The following EEFSEC variants were observed in gnomAD, a reference collection of about 807,000 sequenced individuals.
EEFSEC encodes the protein eukaryotic elongation factor, selenocysteine-tRNA specific, also known as selenocysteine-specific elongation factor.
EEFSEC carries 43 observed loss-of-function variants against 42.1 expected under a neutral mutation model. That is an observed-to-expected ratio of 1.02 (90% CI 0.80 to 1.32). The LOEUF is 1.32. EEFSEC is among the 40% of genes most tolerant of loss of function. EEFSEC has a pLI of 0.00. For synonymous variants in EEFSEC, 354 were observed against 339.1 expected (o/e 1.04, Z -0.48); for missense variants, 745 against 803.6 (o/e 0.93, Z 0.88).
chr3:128,404,498 T>A (rs1255481933), intron 6 of EEFSEC, among the ~76,000 whole-genome samples: 1 of 152,224 alleles, frequency 6.6e-6, no homozygotes, highest in African/African-American at 2.4e-5. Flanking sequence ...CTTCTCAGCC[T>A]CCAGACCTCC....
At chr3:128,262,096 G>C (rs542147902) in intron 2 of EEFSEC, 32 bp from the exon 3 acceptor site, 1 of 1,608,270 alleles carries the variant, frequency 6.2e-7, no homozygotes, top group South Asian at 1.1e-5. Context: ...GCTGATCTCT[G>C]TAACTGTGAT....
chr3:128,275,150 T>C (rs1559897520), intron 4 of EEFSEC, among the ~76,000 whole-genome samples: 1 of 152,152 alleles, frequency 6.6e-6, no homozygotes, highest in Non-Finnish European at 1.5e-5. Flanking sequence ...TGGCAGGACC[T>C]CGATACTGGG....
At chr3:128,278,866 G>T (rs1559899567) in intron 4 of EEFSEC, among the ~76,000 whole-genome samples, 1 of 152,212 alleles carries the variant, frequency 6.6e-6, no homozygotes, top group Non-Finnish European at 1.5e-5. Flanking sequence ...CCAGGTAATA[G>T]AGAGGGCAGG....
intron 4 of EEFSEC, among the ~76,000 whole-genome samples, chr3:128,320,113 G>A (rs1484570016): frequency 1.3e-5 from 2 of 152,232 alleles, no homozygotes; most frequent in African/African-American, 2.4e-5. Flanking sequence ...CACTGCAATG[G>A]CAGAGTCAAG....
At chr3:128,414,985 G>A in the EEFSEC span, among the ~76,000 whole-genome samples, 1 of 152,186 alleles carries the variant, frequency 6.6e-6, no homozygotes, top group Non-Finnish European at 1.5e-5. Flanking sequence ...GGGGATCCAG[G>A]GTCCCTGGCC....
chr3:128,157,065 A>T (rs1218263136), intron 1 of EEFSEC, among the ~76,000 whole-genome samples: 1 of 152,270 alleles, frequency 6.6e-6, no homozygotes, highest in Admixed American at 6.5e-5. Context: ...TGTAGTGAAC[A>T]CACAGATGAT....
intron 5 of EEFSEC, among the ~76,000 whole-genome samples, chr3:128,345,972 A>T (rs1353325190): frequency 6.8e-6 from 1 of 148,058 alleles, no homozygotes; most frequent in Non-Finnish European, 1.5e-5. Context: ...AGACATTTTC[A>T]GGTTATAATA....
At chr3:128,356,463 T>C (rs988080321) in intron 5 of EEFSEC, among the ~76,000 whole-genome samples, 1 of 152,170 alleles carries the variant, frequency 6.6e-6, no homozygotes, top group Non-Finnish European at 1.5e-5. Flanking sequence ...GGGCTGCAAT[T>C]GTCACCCTTG....
chr3:128,391,426 G>A (rs993714022), intron 6 of EEFSEC, among the ~76,000 whole-genome samples: 3 of 152,218 alleles, frequency 2.0e-5, no homozygotes, highest in Non-Finnish European at 4.4e-5. Flanking sequence ...CAACCTCGAG[G>A]TTCTGGGCCC....
At chr3:128,328,984 T>C (rs552368775) in intron 4 of EEFSEC, among the ~76,000 whole-genome samples, 1 of 152,302 alleles carries the variant, frequency 6.6e-6, no homozygotes, top group South Asian at 2.1e-4. Flanking sequence ...CAGTGGCAGC[T>C]CAATTGGATG....
At chr3:128,389,811 T>A (rs575126466) in intron 6 of EEFSEC, among the ~76,000 whole-genome samples, 1 of 152,320 alleles carries the variant, frequency 6.6e-6, no homozygotes, top group African/African-American at 2.4e-5. Context: ...TCCAGCAGAA[T>A]GGGCAGGGCA....
At chr3:128,387,315 T>C (rs1454402328) in intron 6 of EEFSEC, among the ~76,000 whole-genome samples, 1 of 152,224 alleles carries the variant, frequency 6.6e-6, no homozygotes, top group East Asian at 1.9e-4. Context: ...CATAAAAATA[T>C]CCACATGTCC....
At chr3:128,255,250 A>G (rs1363278634) in intron 2 of EEFSEC, among the ~76,000 whole-genome samples, 1 of 152,078 alleles carries the variant, frequency 6.6e-6, no homozygotes, top group Non-Finnish European at 1.5e-5. Context: ...TGAGTGATGA[A>G]GAAGGGCCTC....
At chr3:128,296,758 G>C (rs2066710435) in intron 4 of EEFSEC, among the ~76,000 whole-genome samples, 1 of 152,204 alleles carries the variant, frequency 6.6e-6, no homozygotes, top group African/African-American at 2.4e-5. Flanking sequence ...GTGCCCCTGA[G>C]ATGGCCTGAA....
At chr3:128,194,027 A>G (rs1290905590) in intron 1 of EEFSEC, among the ~76,000 whole-genome samples, 3 of 152,178 alleles carry the variant, frequency 2.0e-5, no homozygotes, top group African/African-American at 7.2e-5. Flanking sequence ...AATGAAGAAG[A>G]AAAAACCCAA....
intron 6 of EEFSEC, among the ~76,000 whole-genome samples, chr3:128,399,868 G>T (rs1702136): frequency 1.1e-4 from 17 of 151,958 alleles, no homozygotes; most frequent in African/African-American, 4.1e-4. Context: ...CTCCGGGCCC[G>T]GGCTGCCCTG....
intron 1 of EEFSEC, among the ~76,000 whole-genome samples, chr3:128,215,356 G>A (rs1240733508): frequency 6.6e-6 from 1 of 152,086 alleles, no homozygotes; most frequent in Non-Finnish European, 1.5e-5. Context: ...TAGGATCCTG[G>A]CTCCACTCCC....
intron 1 of EEFSEC, among the ~76,000 whole-genome samples, chr3:128,176,981 G>GATTATTATTATTATTATT (rs71615969): frequency 4.7e-4 from 69 of 146,588 alleles, no homozygotes; most frequent in African/African-American, 1.6e-3. Flanking sequence ...GAACATACTG[G>GATTATTATTATTATTATT]ATTATTATTA....
At chr3:128,338,514 C>T (rs2067215475) in intron 4 of EEFSEC, among the ~76,000 whole-genome samples, 1 of 151,926 alleles carries the variant, frequency 6.6e-6, no homozygotes, top group Non-Finnish European at 1.5e-5. Context: ...TCAGAGAAGC[C>T]CTTCTAGGAG....
Sources: allele counts gnomAD v4.1 joint callset (sites outside exome capture counted in the v4.1 genomes callset), GRCh38; gene constraint gnomAD v4.1.1; transcripts MANE v1.5; gene names NCBI Gene and HGNC (gene_info 2026-07-23, HGNC 2026-07-21).